Variants in LOC122539214 observed in about 807,000 individuals in gnomAD.
the LOC122539214 span, among the ~76,000 whole-genome samples, chr19:52,683,484 G>C: frequency 1.1e-5 from 1 of 88,500 alleles, no homozygotes; most frequent in Admixed American, 9.6e-5. Context: ...TGCCCCTCAG[G>C]TCCCTGACCT....
At chr19:52,679,958 A>G in the LOC122539214 span, among the ~76,000 whole-genome samples, 3 of 152,126 alleles carry the variant, frequency 2.0e-5, no homozygotes, top group African/African-American at 4.8e-5. Flanking sequence ...AGGCGGGTGG[A>G]TCACCTGAGG....
At chr19:52,686,387 G>T in the LOC122539214 span, among the ~76,000 whole-genome samples, 1 of 150,892 alleles carries the variant, frequency 6.6e-6, no homozygotes, top group Non-Finnish European at 1.5e-5. Flanking sequence ...CCATCTTTCA[G>T]AAGTGATTAA....
the LOC122539214 span, among the ~76,000 whole-genome samples, chr19:52,678,973 CAAA>C: frequency 5.8e-5 from 8 of 138,368 alleles, no homozygotes; most frequent in Admixed American, 7.1e-5. Context: ...GACTCCATCT[CAAA>C]AAAAAAAAAA....
At chr19:52,651,162 T>C in the LOC122539214 span, 1 of 152,238 alleles carries the variant, frequency 6.6e-6, no homozygotes, top group East Asian at 1.9e-4. Flanking sequence ...AAACCACTCA[T>C]CCTGTTGTTC....
At chr19:52,684,746 G>A in the LOC122539214 span, among the ~76,000 whole-genome samples, 3 of 152,032 alleles carry the variant, frequency 2.0e-5, no homozygotes, top group Admixed American at 6.6e-5. Context: ...AGGGACATAG[G>A]GTAAGAGCAG....
the LOC122539214 span, chr19:52,652,662 G>A: frequency 5.5e-6 from 3 of 550,066 alleles, no homozygotes; most frequent in East Asian, 1.4e-4. Flanking sequence ...CTTCATTATG[G>A]ATTCTCTAAT....
the LOC122539214 span, among the ~76,000 whole-genome samples, chr19:52,669,276 T>C: frequency 6.6e-6 from 1 of 152,162 alleles, no homozygotes. Context: ...CACGTCTATT[T>C]AGACACAATT....
At chr19:52,689,510 C>A in the LOC122539214 span, among the ~76,000 whole-genome samples, 1 of 152,144 alleles carries the variant, frequency 6.6e-6, no homozygotes, top group African/African-American at 2.4e-5. Flanking sequence ...ATCCCTCCTC[C>A]TCTCCCTCAC....
the LOC122539214 span, among the ~76,000 whole-genome samples, chr19:52,674,015 CAAAAAA>C: frequency 8.2e-5 from 6 of 73,064 alleles, no homozygotes; most frequent in African/African-American, 2.6e-4. Context: ...GACTCCATCT[CAAAAAA>C]AAAAAAAAAA....
the LOC122539214 span, chr19:52,651,842 T>C: frequency 6.3e-6 from 1 of 158,274 alleles, no homozygotes; most frequent in Non-Finnish European, 1.4e-5. Flanking sequence ...GTGCTGGGAT[T>C]ATAGGTGTGA....
the LOC122539214 span, chr19:52,655,789 G>T: frequency 1.7e-6 from 1 of 597,922 alleles, no homozygotes; most frequent in Non-Finnish European, 3.0e-6. Context: ...CCAAGACGGT[G>T]TTCTGACAAA....
chr19:52,687,645 A>ATG, the LOC122539214 span, among the ~76,000 whole-genome samples: 642 of 26,608 alleles, frequency 0.024, 59 homozygotes, highest in African/African-American at 0.16. Flanking sequence ...ATATATATAT[A>ATG]TATATATATA....
chr19:52,660,593 G>C, the LOC122539214 span, among the ~76,000 whole-genome samples: 1 of 152,066 alleles, frequency 6.6e-6, no homozygotes, highest in Non-Finnish European at 1.5e-5. Context: ...ACTCCAGCCT[G>C]GGCAATAAAG....
At chr19:52,657,081 A>C in the LOC122539214 span, among the ~76,000 whole-genome samples, 1 of 151,870 alleles carries the variant, frequency 6.6e-6, no homozygotes, top group Non-Finnish European at 1.5e-5. Flanking sequence ...GCACCACTGC[A>C]CTCCAGCCTG....
chr19:52,654,644 G>T, the LOC122539214 span, among the ~76,000 whole-genome samples: 1 of 152,106 alleles, frequency 6.6e-6, no homozygotes, highest in Admixed American at 6.6e-5. Flanking sequence ...TTGAACCTAG[G>T]AGGCAGAGAT....
chr19:52,652,854 T>C, the LOC122539214 span: 1 of 980,850 alleles, frequency 1.0e-6, no homozygotes, highest in South Asian at 1.3e-5. Context: ...ATACAAAGGA[T>C]GACATATGAC....
the LOC122539214 span, chr19:52,654,183 A>C: frequency 6.2e-7 from 1 of 1,600,696 alleles, no homozygotes; most frequent in South Asian, 1.1e-5. Context: ...GGTCTGTACT[A>C]CCAGTCAACT....
At chr19:52,683,967 C>T in the LOC122539214 span, among the ~76,000 whole-genome samples, 2 of 152,156 alleles carry the variant, frequency 1.3e-5, no homozygotes, top group Non-Finnish European at 2.9e-5. Context: ...GGCACAGTGA[C>T]TCCCGTCTGC....
At chr19:52,678,283 T>A in the LOC122539214 span, among the ~76,000 whole-genome samples, 1 of 150,112 alleles carries the variant, frequency 6.7e-6, no homozygotes. Context: ...AAACCCCGTC[T>A]TACTAAAAAT....
Sources: gnomAD v4.1 joint callset for allele counts (sites outside exome capture counted in the v4.1 genomes callset) on GRCh38, gnomAD v4.1.1 for gene constraint, MANE v1.5 for transcripts.